The following PTPRR variants were observed in gnomAD, a reference collection of about 807,000 sequenced individuals.
PTPRR encodes protein tyrosine phosphatase receptor type R.
A neutral mutation model predicts 77.2 loss-of-function variants in PTPRR; 38 were observed. The observed-to-expected ratio is 0.49, with a 90% CI of 0.38 to 0.65. The LOEUF (loss-of-function observed/expected upper bound fraction) is 0.65. Ranked by LOEUF, PTPRR falls within the 30% of genes least tolerant of loss-of-function variation. The pLI, the probability that PTPRR is intolerant of heterozygous loss-of-function variation, is 0.00. For synonymous variants in PTPRR, 299 were observed against 283.1 expected (o/e 1.06, Z -0.57); for missense variants, 744 against 799.2 (o/e 0.93, Z 0.83).
At chr12:70,695,512 C>G (rs557654493) in intron 8 of PTPRR, among the ~76,000 whole-genome samples, 13 of 152,134 alleles carry the variant, frequency 8.5e-5, no homozygotes, top group Non-Finnish European at 1.6e-4. Flanking sequence ...GCACAGGTGC[C>G]CTGAATCCAG....
chr12:70,728,153 T>C (rs562822320), intron 6 of PTPRR, among the ~76,000 whole-genome samples: 2 of 151,304 alleles, frequency 1.3e-5, no homozygotes, highest in Admixed American at 6.6e-5. Flanking sequence ...TGAGTATCCC[T>C]GTATCCCTTA....
At chr12:70,762,778 C>T (rs73144109) in intron 3 of PTPRR, among the ~76,000 whole-genome samples, 10,045 of 152,238 alleles carry the variant, frequency 0.066, 355 homozygotes, top group Middle Eastern at 0.097. Flanking sequence ...TATGGCCACA[C>T]TGGAAATGAA....
intron 13 of PTPRR, among the ~76,000 whole-genome samples, chr12:70,642,655 C>T (rs76128054): frequency 0.044 from 6,646 of 152,072 alleles, 324 homozygotes; most frequent in East Asian, 0.24. Flanking sequence ...AAAGCACTTA[C>T]GAGTCCTAGG....
rs950175614 is a variant in PTPRR at position 70,706,876 on chromosome 12, C to T, written c.1008-5553G>A. 2.0e-5 allele frequency among the ~76,000 whole-genome samples: 3 copies of T among 152,062 alleles called. No individual in the cohort carries two copies. The South Asian group carries it at 6.2e-4, about 31-fold the overall frequency. On this transcript the variant is annotated intron_variant, in intron 6 of 13. Transcript: ENST00000283228. ...TAATAAAACTCACAAAATTGACTCA[C>T]ACCATAAAAGATAAATAAGCAAGAA...
chr12:70,779,534 T>C (rs1448553591), intron 2 of PTPRR, among the ~76,000 whole-genome samples: 1 of 152,208 alleles, frequency 6.6e-6, no homozygotes, highest in Non-Finnish European at 1.5e-5. Flanking sequence ...CCCTGCTTTC[T>C]TTTCCTCATA....
At position 70,898,228 on chromosome 12, in the gene PTPRR, T is replaced by TA. The variant is rs145716214; in HGVS notation, c.59-5252dup. Among the ~76,000 whole-genome samples, 558 of 144,468 alleles carry TA rather than the reference T, an allele frequency of 3.9e-3. 2 individuals are homozygous for TA. Among genetic ancestry groups the TA allele is most frequent in the African/African-American group, 0.011 (430 of 39,564 alleles). 94.8% of individuals were successfully genotyped at this position (144,468 alleles called of 152,430 possible). A position where few individuals can be genotyped will look rare whatever the true frequency, so the allele number is the denominator to read the frequency against. On this transcript the variant is annotated intron_variant, in intron 1 of 13. Coordinates refer to ENST00000283228, the MANE Select transcript of PTPRR (RefSeq NM_002849.4). ...TGAATTAAAGCAATTAGAGAAACCT[T>TA]AAAAAAAAAAAAGCCAGCCTAGTAA...
At chr12:70,750,508 A>C (rs965815847) in intron 5 of PTPRR, among the ~76,000 whole-genome samples, 9 of 152,186 alleles carry the variant, frequency 5.9e-5, no homozygotes, top group African/African-American at 2.2e-4. Context: ...CACTTACTTT[A>C]AATCAAGCTT....
At position 70,774,174 on chromosome 12, in the gene PTPRR, G is replaced by C. The variant is rs1307948452; in HGVS notation, c.358-9396C>G. ...ATGGATTCCTTAGTTTTCTCAAATG[G>C]TGAATGAGTAACCTCTGTCTCACCA... On this transcript the variant is annotated intron_variant, in intron 2 of 13. Coordinates refer to ENST00000283228, the MANE Select transcript of PTPRR (RefSeq NM_002849.4). Among the ~76,000 whole-genome samples, 3 of 152,168 alleles carry C rather than the reference G, an allele frequency of 2.0e-5. No individual in the cohort carries two copies. The East Asian group carries it at 5.8e-4, about 29-fold the overall frequency.
Position 70,892,975 on chromosome 12 carries a change from AC to A in PTPRR, c.60del (p.Cys21AlafsTer36). 1 of 1,611,708 alleles carries A rather than the reference AC, an allele frequency of 6.2e-7. No homozygotes were observed. The highest frequency in any genetic ancestry group is 1.3e-5 in the African/African-American group (1 of 74,820). The stretch of plus-strand genomic sequence containing the variant: ...AAATGATCATTGTTTCCTGAAAAGC[AC>A]CCTGAAAGAGGGAAGAAGCAGAAAC... ...LCLLLNLHAA[G>X]CFSGNNDHFL... On this transcript the variant is annotated frameshift_variant and splice_region_variant, in exon 2 of 14. Transcript: ENST00000283228. LOFTEE classifies it high-confidence loss of function.
At chr12:70,770,011 A>C (rs1392601094) in intron 2 of PTPRR, among the ~76,000 whole-genome samples, 2 of 152,166 alleles carry the variant, frequency 1.3e-5, no homozygotes, top group Non-Finnish European at 2.9e-5. Flanking sequence ...AATTAATTCA[A>C]GATGGAATAA....
At chr12:70,836,507 A>G (rs575464582) in intron 2 of PTPRR, among the ~76,000 whole-genome samples, 2 of 152,154 alleles carry the variant, frequency 1.3e-5, no homozygotes, top group South Asian at 2.1e-4. Context: ...GTTTTGGACT[A>G]AAGTCCAAAA....
intron 2 of PTPRR, among the ~76,000 whole-genome samples, chr12:70,888,325 C>G (rs1893277258): frequency 6.6e-6 from 1 of 152,102 alleles, no homozygotes; most frequent in South Asian, 2.1e-4. Flanking sequence ...TTCAATTGTT[C>G]CAGTCTCACA....
intron 6 of PTPRR, among the ~76,000 whole-genome samples, chr12:70,730,260 C>G (rs1247065463): frequency 6.6e-6 from 1 of 152,184 alleles, no homozygotes; most frequent in Non-Finnish European, 1.5e-5. Flanking sequence ...CCTGTAATCC[C>G]AACACTTTGG....
At chr12:70,725,735 A>C (rs756267056) in intron 6 of PTPRR, among the ~76,000 whole-genome samples, 4 of 152,218 alleles carry the variant, frequency 2.6e-5, no homozygotes, top group Non-Finnish European at 5.9e-5. Context: ...ATTTCTTTAG[A>C]GTAATGGTAA....
At chr12:70,838,865 C>G (rs2467004) in intron 2 of PTPRR, among the ~76,000 whole-genome samples, 100,407 of 151,924 alleles carry the variant, frequency 0.66, 34,026 homozygotes, top group African/African-American at 0.81. Context: ...TCTGTGGACC[C>G]AGATTGCTAA....
chr12:70,872,959 T>C (rs1035207124), intron 2 of PTPRR, among the ~76,000 whole-genome samples: 2 of 152,160 alleles, frequency 1.3e-5, no homozygotes, highest in Non-Finnish European at 2.9e-5. Context: ...TTCAAAGTGT[T>C]TTAATTTATT....
chr12:70,686,915 G>C (rs972782456), intron 8 of PTPRR, among the ~76,000 whole-genome samples: 2 of 152,068 alleles, frequency 1.3e-5, no homozygotes, highest in Admixed American at 6.6e-5. Context: ...TAAATTTTGG[G>C]GTAATTTGTT....
intron 2 of PTPRR, among the ~76,000 whole-genome samples, chr12:70,867,264 A>G (rs919280790): frequency 3.6e-4 from 55 of 152,288 alleles, no homozygotes; most frequent in Middle Eastern, 3.4e-3. Flanking sequence ...CTGTTTGTAG[A>G]TGACATGATT....
At chr12:70,900,326 A>T (rs527514277) in intron 1 of PTPRR, among the ~76,000 whole-genome samples, 22 of 151,610 alleles carry the variant, frequency 1.5e-4, no homozygotes, top group African/African-American at 4.8e-4. Flanking sequence ...CAAAATAGAG[A>T]TTTCATGCAG....
Sources: gnomAD v4.1 joint callset for allele counts (sites outside exome capture counted in the v4.1 genomes callset) on GRCh38, gnomAD v4.1.1 for gene constraint, MANE v1.5 for transcripts, NCBI Gene and HGNC (gene_info 2026-07-23, HGNC 2026-07-21) for gene names.